The following MBOAT1 variants were observed in gnomAD, a reference collection of about 807,000 sequenced individuals.
MBOAT1 encodes membrane bound glycerophospholipid O-acyltransferase 1.
MBOAT1 carries 67 observed loss-of-function variants against 64.4 expected under a neutral mutation model. The observed-to-expected ratio is 1.04, with a 90% CI of 0.85 to 1.27. The LOEUF (loss-of-function observed/expected upper bound fraction) is 1.27. Ranked by LOEUF, MBOAT1 falls within the 50% of genes most tolerant of loss-of-function variation. The probability of loss-of-function intolerance (pLI) is 0.00; values close to 1 mark genes in which losing one functional copy is unlikely to be tolerated. For synonymous variants in MBOAT1, 229 were observed against 218.9 expected, an observed-to-expected ratio of 1.05 and a Z score of -0.41; for missense variants, 563 against 604.6, an observed-to-expected ratio of 0.93 and a Z score of 0.72.
At chr6:20,103,722 C>T (rs766263943) in intron 12 of MBOAT1, among the ~76,000 whole-genome samples, 1 of 152,176 alleles carries the variant, frequency 6.6e-6, no homozygotes, top group Admixed American at 6.5e-5. Context: ...CCACCATGCC[C>T]GGCCACCATG....
Position 20,100,017 on chromosome 6 carries a change from TCTC to T in MBOAT1, c.*2266_*2268del, listed in dbSNP as rs1356668848. ...AAGCTCAACTCCTAGAGGTTTGACT[TCTC>T]CTCATCCCATAAGGAGTAATCAATT... On this transcript the variant is annotated 3_prime_UTR_variant, in exon 13 of 13. Coordinates refer to ENST00000324607, the MANE Select transcript of MBOAT1 (RefSeq NM_001080480.3). Among the ~76,000 whole-genome samples the T allele has an allele frequency of 2.0e-5, 3 of 152,150 alleles. No homozygotes were observed. Among genetic ancestry groups the T allele is most frequent in the Admixed American group, 1.3e-4 (2 of 15,262 alleles).
chr6:20,181,700 A>G (rs1272234143), intron 1 of MBOAT1, among the ~76,000 whole-genome samples: 1 of 152,188 alleles, frequency 6.6e-6, no homozygotes, highest in Non-Finnish European at 1.5e-5. Flanking sequence ...TGAAACACAC[A>G]CCCTGTGGGT....
chr6:20,212,000 A>ACC, intron 1 of MBOAT1, 136 bp downstream of exon 1: 1 of 700,306 alleles, frequency 1.4e-6, no homozygotes. Context: ...ACACACACAC[A>ACC]CACAAAAACC....
chr6:20,124,327 A>G, intron 8 of MBOAT1, 81 bp downstream of exon 8: 1 of 1,427,078 alleles, frequency 7.0e-7, no homozygotes, highest in African/African-American at 1.4e-5. Context: ...TGATGAAGTG[A>G]TCCAAAACGT....
At chr6:20,116,756 A>G (rs899423771) in intron 9 of MBOAT1, among the ~76,000 whole-genome samples, 4 of 152,208 alleles carry the variant, frequency 2.6e-5, no homozygotes, top group Admixed American at 2.6e-4. Flanking sequence ...TTTCTTTTAT[A>G]ATAAGCACAT....
intron 4 of MBOAT1, among the ~76,000 whole-genome samples, chr6:20,142,549 A>C (rs1036136133): frequency 1.3e-5 from 2 of 152,144 alleles, no homozygotes; most frequent in African/African-American, 4.8e-5. Flanking sequence ...TCCCAGGGTA[A>C]AGTGATTCTC....
intron 1 of MBOAT1, among the ~76,000 whole-genome samples, chr6:20,157,058 G>A: frequency 6.6e-6 from 1 of 152,070 alleles, no homozygotes; most frequent in East Asian, 1.9e-4. Context: ...TAAGGTGAGA[G>A]GACTGCTTGA....
At chr6:20,187,375 T>C (rs146213647) in intron 1 of MBOAT1, among the ~76,000 whole-genome samples, 598 of 152,312 alleles carry the variant, frequency 3.9e-3, no homozygotes, top group African/African-American at 0.013. Flanking sequence ...ACAAGATACA[T>C]ACAACACATC....
chr6:20,192,990 A>ATTTTT (rs1762845445), intron 1 of MBOAT1, among the ~76,000 whole-genome samples: 1 of 82,308 alleles, frequency 1.2e-5, no homozygotes, highest in Non-Finnish European at 2.8e-5. Flanking sequence ...GGTATGCTAT[A>ATTTTT]ATTTCTTTTT....
At chr6:20,158,412 C>T (rs1046998080) in intron 1 of MBOAT1, among the ~76,000 whole-genome samples, 1 of 152,104 alleles carries the variant, frequency 6.6e-6, no homozygotes, top group Non-Finnish European at 1.5e-5. Context: ...ATCCCTTATA[C>T]AAGAATCAAC....
Position 20,102,383 on chromosome 6 carries a change from C to G in MBOAT1, c.1391G>C (p.Ser464Thr). ...KSMYFYLHII[S>T]LLIILFLPMK... The stretch of plus-strand genomic sequence containing the variant: ...TGGCAGAAATAGTATTATCAGGAGA[C>G]TTATGATGTGCAAATAAAAGTACAT... Residue 464 changes from serine (S) to threonine (T), a missense_variant, in exon 13 of 13, where the codon AGT becomes ACT. Physicochemically the swap from Ser to Thr is moderately conservative, Grantham distance 58 (BLOSUM62 1). Coordinates refer to ENST00000324607, the MANE Select transcript of MBOAT1 (RefSeq NM_001080480.3). The G allele has an allele frequency of 6.2e-7, 1 of 1,611,166 alleles. No individual in the cohort carries two copies. Among genetic ancestry groups the G allele is most frequent in the Non-Finnish European group, 8.5e-7 (1 of 1,177,806 alleles).
intron 1 of MBOAT1, among the ~76,000 whole-genome samples, chr6:20,191,326 C>T (rs958871678): frequency 3.3e-5 from 5 of 152,184 alleles, no homozygotes; most frequent in African/African-American, 1.2e-4. Flanking sequence ...ACCCAATAAA[C>T]ATCTATTGTT....
chr6:20,194,697 C>T (rs892437864), intron 1 of MBOAT1, among the ~76,000 whole-genome samples: 1 of 152,192 alleles, frequency 6.6e-6, no homozygotes. Context: ...TCCCCACTCC[C>T]CTTTCCATAC....
chr6:20,140,832 A>G (rs1761147905), intron 4 of MBOAT1, among the ~76,000 whole-genome samples: 1 of 152,234 alleles, frequency 6.6e-6, no homozygotes, highest in African/African-American at 2.4e-5. Context: ...ATACTGATAC[A>G]TACATACAAC....
intron 1 of MBOAT1, among the ~76,000 whole-genome samples, chr6:20,161,575 C>T (rs1761862646): frequency 6.6e-6 from 1 of 152,054 alleles, no homozygotes; most frequent in African/African-American, 2.4e-5. Flanking sequence ...ATGTGTTGGG[C>T]ACAGTGATAC....
At chr6:20,192,322 T>G (rs569533875) in intron 1 of MBOAT1, among the ~76,000 whole-genome samples, 2 of 152,324 alleles carry the variant, frequency 1.3e-5, no homozygotes, top group East Asian at 3.9e-4. Flanking sequence ...CTAAAGTAAC[T>G]GAAGTTACTT....
At chr6:20,177,522 T>C (rs534459190) in intron 1 of MBOAT1, among the ~76,000 whole-genome samples, 2 of 152,112 alleles carry the variant, frequency 1.3e-5, no homozygotes, top group Admixed American at 1.3e-4. Flanking sequence ...TTCTGTAATC[T>C]CAGCACTTTG....
intron 1 of MBOAT1, among the ~76,000 whole-genome samples, chr6:20,174,851 G>C (rs1476701339): frequency 6.6e-6 from 1 of 152,192 alleles, no homozygotes; most frequent in Non-Finnish European, 1.5e-5. Flanking sequence ...ACCAATTTTT[G>C]AAGAGGACTT....
In MBOAT1 at chr6:20,144,249, G is replaced by A; in HGVS notation, c.390C>T (p.His130=). 1 of 1,612,888 alleles carries A rather than the reference G, an allele frequency of 6.2e-7. No individual in the cohort carries two copies. The highest frequency in any genetic ancestry group is 8.5e-7 in the Non-Finnish European group (1 of 1,179,224). Residue 130 remains histidine, a synonymous_variant, in exon 4 of 13, where the codon CAC becomes CAT. Transcript: ENST00000324607. ...ICHISRIYIF[H]YGILTTDFSG... ...AAAAATCCGTAGTGAGAATTCCATA[G>A]TGGAAGATGTATATTCGGCTGATGT...
Sources: gnomAD v4.1 joint callset for allele counts (sites outside exome capture counted in the v4.1 genomes callset) on GRCh38, gnomAD v4.1.1 for gene constraint, MANE v1.5 for transcripts, NCBI Gene and HGNC (gene_info 2026-07-23, HGNC 2026-07-21) for gene names.